HOMER1: variants seen among roughly 807,000 people sequenced by gnomAD.
HOMER1 encodes homer protein homolog 1.
A neutral mutation model predicts 48.9 loss-of-function variants in HOMER1; 3 were observed. The ratio of observed to expected loss-of-function variants is 0.06; its 90% CI spans 0.03 to 0.16. HOMER1 has a LOEUF of 0.16. Among genes scored for constraint, HOMER1 ranks in the 10% least tolerant of loss-of-function variants. The pLI is 1.00. For synonymous variants in HOMER1, 134 were observed against 146.4 expected (o/e 0.92, Z 0.61); for missense variants, 247 against 411.4 (o/e 0.60, Z 3.46).
At chr5:79,455,901 A>T (rs1250261914) in intron 2 of HOMER1, among the ~76,000 whole-genome samples, 1 of 152,224 alleles carries the variant, frequency 6.6e-6, no homozygotes, top group Non-Finnish European at 1.5e-5. Flanking sequence ...TCATGCCTGT[A>T]ATCCCAGCAC....
rs929935244 is a variant in HOMER1, at chr5:79,410,699, A to G, written c.528-8644T>C. ...CTCAATAGTTTGCACATTAATTTTG[A>G]AAAAAAAAAAGTTCCTTTCTTTAAT... On this transcript the variant is annotated intron_variant, in intron 5 of 8. Coordinates refer to ENST00000334082, the MANE Select transcript of HOMER1 (RefSeq NM_004272.5). 4.1e-4 allele frequency among the ~76,000 whole-genome samples: 41 copies of G among 101,156 alleles called. No homozygotes were observed. In the Middle Eastern group the frequency reaches 0.021, roughly 51 times the overall value. The allele number at this position is 101,156 out of a possible 152,430, so 66.4% of individuals were successfully genotyped here.
At chr5:79,504,739 C>T (rs916977152) in intron 1 of HOMER1, among the ~76,000 whole-genome samples, 13 of 151,974 alleles carry the variant, frequency 8.6e-5, no homozygotes, top group African/African-American at 2.4e-5. Context: ...TTGAGATATA[C>T]GTAAATATAA....
rs376459696 is a variant in HOMER1 at position 79,490,146 on chromosome 5, GCA to G, written c.5+22622_5+22623del. The stretch of plus-strand genomic sequence containing the variant: ...CTTCCAACATTTAGAAGAGTGCCAG[GCA>G]CACAGTAATTACTCAGTAGACATTT... On this transcript the variant is annotated intron_variant, in intron 1 of 8. Coordinates refer to ENST00000334082, the MANE Select transcript of HOMER1 (RefSeq NM_004272.5). Among the ~76,000 whole-genome samples, 22 of 152,278 alleles carry G rather than the reference GCA, an allele frequency of 1.4e-4. No individual in the cohort carries two copies. The East Asian group carries it at 2.7e-3, about 19-fold the overall frequency.
chr5:79,495,798 T>A (rs907634209), intron 1 of HOMER1, among the ~76,000 whole-genome samples: 1 of 152,218 alleles, frequency 6.6e-6, no homozygotes, highest in African/African-American at 2.4e-5. Context: ...CAACACTTTA[T>A]CATCCGCCAA....
intron 1 of HOMER1, among the ~76,000 whole-genome samples, chr5:79,491,438 C>CAAA (rs56778843): frequency 0.037 from 2,107 of 57,012 alleles, 86 homozygotes; most frequent in African/African-American, 0.06. Context: ...GACCTTGTCT[C>CAAA]AAAAAAAAAA....
intron 5 of HOMER1, among the ~76,000 whole-genome samples, chr5:79,410,848 T>A (rs1356152470): frequency 6.6e-6 from 1 of 152,230 alleles, no homozygotes; most frequent in Non-Finnish European, 1.5e-5. Context: ...AATACTTGTT[T>A]AGAACTGTTG....
chr5:79,449,400 CTTATT>C (rs1750972916), intron 3 of HOMER1, among the ~76,000 whole-genome samples: 1 of 152,206 alleles, frequency 6.6e-6, no homozygotes, highest in Admixed American at 6.5e-5. Flanking sequence ...ATGTAAAACT[CTTATT>C]TTACCACAGT....
chr5:79,454,845 G>A (rs1044639107), intron 2 of HOMER1, among the ~76,000 whole-genome samples: 1 of 152,150 alleles, frequency 6.6e-6, no homozygotes, highest in African/African-American at 2.4e-5. Context: ...GTGAGTGTTT[G>A]TATAGTGATT....
intron 8 of HOMER1, among the ~76,000 whole-genome samples, chr5:79,389,868 A>G (rs1457271953): frequency 6.6e-6 from 1 of 152,214 alleles, no homozygotes; most frequent in Non-Finnish European, 1.5e-5. Context: ...TAATCTGTTT[A>G]GTATTCTGAC....
At chr5:79,459,880 C>T (rs1751268320) in intron 1 of HOMER1, among the ~76,000 whole-genome samples, 1 of 151,824 alleles carries the variant, frequency 6.6e-6, no homozygotes, top group African/African-American at 2.4e-5. Flanking sequence ...AACCTTAGTA[C>T]AGGTAAGTTT....
Position 79,409,370 on chromosome 5 carries a change from T to G in HOMER1, c.528-7315A>C, listed in dbSNP as rs568460234. 5.4e-5 allele frequency among the ~76,000 whole-genome samples: 8 copies of G among 148,176 alleles called. No individual in the cohort carries two copies. The South Asian group carries it at 1.7e-3, about 32-fold the overall frequency. On this transcript the variant is annotated intron_variant, in intron 5 of 8. Transcript: ENST00000334082. ...CCACTTGAACCGGGGAGGCGGAGGT[T>G]GTGGTGAGCCAAGACTGCTCCGTTG...
At chr5:79,488,392 C>T (rs963670841) in intron 1 of HOMER1, among the ~76,000 whole-genome samples, 3 of 152,248 alleles carry the variant, frequency 2.0e-5, no homozygotes, top group Non-Finnish European at 4.4e-5. Context: ...TGATTACAAT[C>T]TGGATTCCAC....
intron 8 of HOMER1, among the ~76,000 whole-genome samples, chr5:79,379,423 ATATTATATATT>A (rs1448237918): frequency 2.4e-4 from 28 of 116,364 alleles, no homozygotes; most frequent in African/African-American, 7.3e-4. Context: ...TATATTTTAT[ATATTATATATT>A]TATTATATAT....
At chr5:79,477,153 T>C (rs999074086) in intron 1 of HOMER1, among the ~76,000 whole-genome samples, 6 of 152,194 alleles carry the variant, frequency 3.9e-5, no homozygotes, top group Admixed American at 3.3e-4. Context: ...AGCCAGGAAC[T>C]GTGGACAAAA....
At chr5:79,459,350 CCA>C (rs1664141197) in intron 1 of HOMER1, among the ~76,000 whole-genome samples, 1 of 152,150 alleles carries the variant, frequency 6.6e-6, no homozygotes, top group Non-Finnish European at 1.5e-5. Flanking sequence ...TTTAATTAAT[CCA>C]CACAATTTAA....
At chr5:79,464,465 T>A (rs1436701315) in intron 1 of HOMER1, among the ~76,000 whole-genome samples, 1 of 152,200 alleles carries the variant, frequency 6.6e-6, no homozygotes, top group Admixed American at 6.5e-5. Flanking sequence ...AGACGGACAC[T>A]AATTACCATT....
At chr5:79,462,760 T>A (rs6874505) in intron 1 of HOMER1, among the ~76,000 whole-genome samples, 40,417 of 152,086 alleles carry the variant, frequency 0.27, 5,496 homozygotes, top group South Asian at 0.39. Flanking sequence ...GATGATGCTG[T>A]TTTACAGTTA....
chr5:79,427,370 G>T (rs1311153977), intron 5 of HOMER1, among the ~76,000 whole-genome samples: 2 of 150,998 alleles, frequency 1.3e-5, no homozygotes, highest in African/African-American at 4.9e-5. Context: ...AATTTATCCA[G>T]TTTTTTTTTG....
At chr5:79,470,284 T>C (rs563950826) in intron 1 of HOMER1, among the ~76,000 whole-genome samples, 16 of 152,196 alleles carry the variant, frequency 1.1e-4, no homozygotes, top group Non-Finnish European at 2.4e-4. Context: ...AATGAAAATG[T>C]ACAATATCAG....
Sources: gnomAD v4.1 joint callset for allele counts (sites outside exome capture counted in the v4.1 genomes callset) on GRCh38, gnomAD v4.1.1 for gene constraint, MANE v1.5 for transcripts, NCBI Gene and HGNC (gene_info 2026-07-23, HGNC 2026-07-21) for gene names.